ILRUN: variants seen among roughly 807,000 people sequenced by gnomAD.
The protein encoded by ILRUN is protein ILRUN.
Under a neutral mutation model 33.8 loss-of-function variants are expected in ILRUN, and 3 were observed. The observed-to-expected ratio is 0.09, with a 90% CI of 0.04 to 0.23. The LOEUF (loss-of-function observed/expected upper bound fraction) is 0.23, where lower values mean the gene tolerates loss of function less well. ILRUN is among the 10% of genes least tolerant of loss of function. ILRUN has a pLI of 1.00. For missense variants in ILRUN, 210 were observed against 375.1 expected (o/e 0.56, Z 3.64); for synonymous variants, 124 against 138.9 (o/e 0.89, Z 0.75).
chr6:34,602,254 T>TA (rs548676784), intron 4 of ILRUN, among the ~76,000 whole-genome samples: 1 of 152,286 alleles, frequency 6.6e-6, no homozygotes, highest in African/African-American at 2.4e-5. Context: ...GTAGCTGTCC[T>TA]AAAGAACAGC....
intron 3 of ILRUN, among the ~76,000 whole-genome samples, chr6:34,619,134 T>G (rs1761958910): frequency 6.6e-6 from 1 of 151,758 alleles, no homozygotes; most frequent in Non-Finnish European, 1.5e-5. Flanking sequence ...GATCAGGAGG[T>G]GGAGACAATT....
At chr6:34,619,458 T>C (rs1329097427) in intron 3 of ILRUN, among the ~76,000 whole-genome samples, 2 of 152,070 alleles carry the variant, frequency 1.3e-5, no homozygotes, top group Non-Finnish European at 2.9e-5. Flanking sequence ...TGGGCTCAAG[T>C]GATCCTCCCC....
At chr6:34,658,010 G>A (rs1460026689) in intron 1 of ILRUN, among the ~76,000 whole-genome samples, 1 of 152,172 alleles carries the variant, frequency 6.6e-6, no homozygotes, top group African/African-American at 2.4e-5. Flanking sequence ...GTACCCTGAA[G>A]AACAAACAGA....
chr6:34,629,582 C>T (rs1762204025), intron 3 of ILRUN, among the ~76,000 whole-genome samples: 1 of 152,122 alleles, frequency 6.6e-6, no homozygotes. Context: ...CCTTTGGCTT[C>T]TTTCAAGATT....
At chr6:34,686,833 G>A (rs1443603511) in intron 1 of ILRUN, 1 of 55,500 alleles carries the variant, frequency 1.8e-5, no homozygotes, top group Non-Finnish European at 3.2e-5. Flanking sequence ...GCGGGCGCCT[G>A]TAGTCCCAGC....
chr6:34,679,019 G>A (rs975920866), intron 1 of ILRUN, among the ~76,000 whole-genome samples: 3 of 151,296 alleles, frequency 2.0e-5, no homozygotes, highest in African/African-American at 4.9e-5. Flanking sequence ...GGTGAGGATC[G>A]AAAAACTACT....
At chr6:34,649,455 C>T (rs924780274) in intron 2 of ILRUN, among the ~76,000 whole-genome samples, 15 of 152,098 alleles carry the variant, frequency 9.9e-5, no homozygotes, top group African/African-American at 3.4e-4. Flanking sequence ...TGTTTTATGA[C>T]GTTCCTAGTT....
At chr6:34,618,590 A>G (rs1761946552) in intron 3 of ILRUN, among the ~76,000 whole-genome samples, 1 of 152,242 alleles carries the variant, frequency 6.6e-6, no homozygotes, top group Admixed American at 6.5e-5. Flanking sequence ...ATGGCATTCC[A>G]CAGTTCCTCT....
intron 1 of ILRUN, among the ~76,000 whole-genome samples, chr6:34,683,080 G>A (rs915363372): frequency 5.3e-5 from 8 of 150,874 alleles, no homozygotes; most frequent in African/African-American, 1.7e-4. Flanking sequence ...AAAACAGGAC[G>A]TTGCCTATAA....
chr6:34,650,267 T>C (rs1220102847), intron 2 of ILRUN, among the ~76,000 whole-genome samples: 1 of 152,320 alleles, frequency 6.6e-6, no homozygotes, highest in East Asian at 1.9e-4. Flanking sequence ...TCAGGTTTAC[T>C]AAGCTTCCAA....
At chr6:34,674,977 C>A (rs1006816237) in intron 1 of ILRUN, among the ~76,000 whole-genome samples, 4 of 151,880 alleles carry the variant, frequency 2.6e-5, no homozygotes, top group Non-Finnish European at 4.4e-5. Context: ...ACCAATGCAA[C>A]TCAAAAAAAA....
chr6:34,695,451 A>G (rs1329306162), intron 1 of ILRUN, among the ~76,000 whole-genome samples: 2 of 152,236 alleles, frequency 1.3e-5, no homozygotes, highest in African/African-American at 4.8e-5. Context: ...GCGTTGCTTA[A>G]CAACGACAGC....
intron 4 of ILRUN, among the ~76,000 whole-genome samples, chr6:34,599,123 C>A (rs1030576004): frequency 6.6e-6 from 1 of 152,198 alleles, no homozygotes; most frequent in African/African-American, 2.4e-5. Flanking sequence ...GTAGTGTGGT[C>A]TAGAACATTA....
At chr6:34,679,578 T>G (rs1763312998) in intron 1 of ILRUN, among the ~76,000 whole-genome samples, 1 of 152,224 alleles carries the variant, frequency 6.6e-6, no homozygotes, top group South Asian at 2.1e-4. Context: ...TGAATTATAT[T>G]TATTAAGACT....
In ILRUN at chr6:34,641,018, G is replaced by C. The variant is rs1296499201; in HGVS notation, c.511+5583C>G. Among the ~76,000 whole-genome samples, 5 of 147,334 alleles carry C rather than the reference G, an allele frequency of 3.4e-5. No homozygotes were observed. In the Admixed American group the frequency reaches 3.5e-4, roughly 10 times the overall value. ...CGCTTGAACCTGGGAGGCAGAGGTT[G>C]CAGTGAGCTGAGATGACGCCACTGC... On this transcript the variant is annotated intron_variant, in intron 3 of 4. Coordinates refer to ENST00000374023, the MANE Select transcript of ILRUN (RefSeq NM_024294.4).
At chr6:34,641,581 C>T (rs774918438) in intron 3 of ILRUN, among the ~76,000 whole-genome samples, 5 of 152,130 alleles carry the variant, frequency 3.3e-5, no homozygotes, top group African/African-American at 7.2e-5. Flanking sequence ...TTATCCTTTC[C>T]CATTTTACAA....
intron 3 of ILRUN, among the ~76,000 whole-genome samples, chr6:34,611,309 C>T (rs532247138): frequency 5.3e-5 from 8 of 152,004 alleles, no homozygotes; most frequent in Non-Finnish European, 1.0e-4. Flanking sequence ...CATCTCTTTG[C>T]GTTGGCTATT....
intron 3 of ILRUN, chr6:34,616,493 T>C (rs1255281148): frequency 3.9e-6 from 3 of 774,562 alleles, no homozygotes; most frequent in East Asian, 2.5e-5. Context: ...GCCCCAACAG[T>C]AGGCAGTGCA....
Position 34,658,490 on chromosome 6 carries a change from C to CTTT in ILRUN, c.159-3714_159-3712dup, listed in dbSNP as rs71538252. Among the ~76,000 whole-genome samples, 115 of 130,866 alleles carry CTTT rather than the reference C, an allele frequency of 8.8e-4. 1 individual carries two copies. The East Asian group carries it at 0.012, about 14-fold the overall frequency. The allele number at this position is 130,866 out of a possible 152,430, so 85.9% of individuals were successfully genotyped here. On this transcript the variant is annotated intron_variant, in intron 1 of 4. Coordinates refer to ENST00000374023, the MANE Select transcript of ILRUN (RefSeq NM_024294.4). ...CCACAATGAAATAATTTTTCTTTTT[C>CTTT]TTTTTTTTTTTTTTTTTTAAGAGTA...
Sources: gnomAD v4.1 joint callset for allele counts (sites outside exome capture counted in the v4.1 genomes callset) on GRCh38, gnomAD v4.1.1 for gene constraint, MANE v1.5 for transcripts, NCBI Gene and HGNC (gene_info 2026-07-23, HGNC 2026-07-21) for gene names.